Variants in AKAP13 observed in about 807,000 individuals in gnomAD.
The protein encoded by AKAP13 is A-kinase anchoring protein 13.
Under a neutral mutation model 264.5 loss-of-function variants are expected in AKAP13, and 80 were observed. That is an observed-to-expected ratio of 0.30 (90% CI 0.25 to 0.36). The LOEUF (loss-of-function observed/expected upper bound fraction) is 0.36, where lower values mean the gene tolerates loss of function less well. Ranked by LOEUF, AKAP13 falls within the 10% of genes least tolerant of loss-of-function variation. The probability of loss-of-function intolerance (pLI) is 1.00; values close to 1 mark genes in which losing one functional copy is unlikely to be tolerated. For missense variants in AKAP13, 3,712 were observed against 3,435.2 expected (o/e 1.08, Z -2.01); for synonymous variants, 1,380 against 1,250.2 (o/e 1.10, Z -2.19).
rs746147092 is a variant in AKAP13 at position 85,745,369 on chromosome 15, A to C, written c.*692A>C. On this transcript the variant is annotated 3_prime_UTR_variant, in exon 37 of 37. Transcript: ENST00000394518. ...TGAGAGAAGGCTTGATGTGTATAAAAGACGTGATGTGCACCACCTCGATCT... is the reference window on the plus strand; with the variant it reads ...TGAGAGAAGGCTTGATGTGTATAAACGACGTGATGTGCACCACCTCGATCT... The C allele has an allele frequency of 3.3e-5, 5 of 151,556 alleles. No homozygotes were observed. Among genetic ancestry groups the C allele is most frequent in the African/African-American group, 1.2e-4 (5 of 41,212 alleles). 9.4% of individuals were successfully genotyped at this position (151,556 alleles called of 1,614,324 possible).
chr15:85,443,484 C>T (rs1230549373), intron 1 of AKAP13, among the ~76,000 whole-genome samples: 1 of 152,112 alleles, frequency 6.6e-6, no homozygotes, highest in African/African-American at 2.4e-5. Flanking sequence ...AAGGATCCTT[C>T]TGTGGTGTAT....
At chr15:85,436,005 A>G (rs1278837505) in intron 1 of AKAP13, among the ~76,000 whole-genome samples, 1 of 147,682 alleles carries the variant, frequency 6.8e-6, no homozygotes, top group African/African-American at 2.5e-5. Flanking sequence ...TGCTTCAATT[A>G]AAAGACACAG....
At chr15:85,517,196 C>G (rs1390060843) in intron 2 of AKAP13, among the ~76,000 whole-genome samples, 1 of 152,160 alleles carries the variant, frequency 6.6e-6, no homozygotes, top group East Asian at 1.9e-4. Flanking sequence ...CAGTGCCATC[C>G]TGTCTTTCAC....
chr15:85,544,158 C>G (rs1256482053), intron 5 of AKAP13: 1 of 707,674 alleles, frequency 1.4e-6, no homozygotes, highest in Non-Finnish European at 2.5e-6. Flanking sequence ...GTCGTGTTAA[C>G]CATTTTCTCT....
At chr15:85,428,008 C>G (rs537291060) in intron 1 of AKAP13, among the ~76,000 whole-genome samples, 1 of 152,278 alleles carries the variant, frequency 6.6e-6, no homozygotes, top group East Asian at 1.9e-4. Context: ...CTCCTGAGAA[C>G]TATTTGAAAC....
chr15:85,581,286 A>G lies in AKAP13; in HGVS notation c.3218A>G (p.Gln1073Arg), dbSNP rs1325610819. The change falls in exon 7 of 37, where the codon CAA (glutamine) becomes CGA (arginine). Residue 1073 changes from glutamine to arginine, a missense_variant. This residue lies in a region of AKAP13 where 2,759 missense variants were observed against 2,411.7 expected (regional missense o/e 1.14). Coordinates refer to ENST00000394518, the MANE Select transcript of AKAP13 (RefSeq NM_007200.5). Reference sequence around the variant, plus strand: ...CTGGATGTTGGAGTGAAGAACACTCAATCCCAGGGAAAAACTAGTGCCTGT... The same window carrying G: ...CTGGATGTTGGAGTGAAGAACACTCGATCCCAGGGAAAAACTAGTGCCTGT... ...SPLDVGVKNT[Q>R]SQGKTSACEV... 1 of 1,614,220 alleles carries G rather than the reference A, an allele frequency of 6.2e-7. No individual in the cohort carries two copies. The highest frequency in any genetic ancestry group is 1.1e-5 in the South Asian group (1 of 91,090).
rs2081667643 is a variant in AKAP13, at chr15:85,630,208, CATCATGAACTAAGATGGA to C, written c.4162-9164_4162-9147del. Among the ~76,000 whole-genome samples the C allele has an allele frequency of 1.6e-4, 7 of 44,904 alleles. 1 individual carries two copies. The highest frequency in any genetic ancestry group is 2.4e-4 in the Non-Finnish European group (6 of 25,376). The allele number at this position is 44,904 out of a possible 152,430, so 29.5% of individuals were successfully genotyped here. On this transcript the variant is annotated intron_variant, in intron 8 of 36. Coordinates refer to ENST00000394518, the MANE Select transcript of AKAP13 (RefSeq NM_007200.5). ...ACACACACACACACACACACACACA[CATCATGAACTAAGATGGA>C]AAATTGTAACACACACACACACACA...
At position 85,717,373 on chromosome 15, in the gene AKAP13, A is replaced by G; in HGVS notation, c.5819A>G (p.Asn1940Ser). The change falls in exon 21 of 37, where the codon AAT becomes AGT. Residue 1940 changes from asparagine to serine, a missense_variant. This residue lies in a region of AKAP13 where 2,759 missense variants were observed against 2,411.7 expected (regional missense o/e 1.14). Coordinates refer to ENST00000394518, the MANE Select transcript of AKAP13 (RefSeq NM_007200.5). ...TDSLNKISKV[N>S]ESTESLTDEG... is the part of the protein sequence containing the mutation. ...TCACTAAATAAAATCAGCAAGGTCAATGAGTCAACAGAATCACTTACTGAT... is the reference window on the plus strand; with the variant it reads ...TCACTAAATAAAATCAGCAAGGTCAGTGAGTCAACAGAATCACTTACTGAT... 4 of 1,613,424 alleles carry G rather than the reference A, an allele frequency of 2.5e-6. No homozygotes were observed. Among genetic ancestry groups the G allele is most frequent in the Non-Finnish European group, 3.4e-6 (4 of 1,179,680 alleles).
At chr15:85,710,791 T>C (rs1471227049) in intron 19 of AKAP13, 146 bp downstream of exon 19, 14 of 883,906 alleles carry the variant, frequency 1.6e-5, no homozygotes, top group Non-Finnish European at 2.2e-5. Context: ...TGTTTTATCC[T>C]GCAGATTCCT....
At chr15:85,545,080 C>A (rs1243099527) in intron 5 of AKAP13, among the ~76,000 whole-genome samples, 1 of 152,180 alleles carries the variant, frequency 6.6e-6, no homozygotes, top group Non-Finnish European at 1.5e-5. Context: ...ATGGGTGCTA[C>A]AGATACAGTG....
intron 8 of AKAP13, among the ~76,000 whole-genome samples, chr15:85,594,794 T>C (rs1024385022): frequency 1.3e-5 from 2 of 152,224 alleles, no homozygotes; most frequent in African/African-American, 4.8e-5. Flanking sequence ...TAGGCAGTTT[T>C]AGATATTCCA....
intron 1 of AKAP13, among the ~76,000 whole-genome samples, chr15:85,434,122 C>T (rs1430423658): frequency 1.4e-4 from 21 of 151,878 alleles, no homozygotes; most frequent in African/African-American, 4.1e-4. Context: ...GCGCACCGTG[C>T]GCGAGCCGAA....
At position 85,741,472 on chromosome 15, in the gene AKAP13, C is replaced by T; in HGVS notation, c.8035C>T (p.Gln2679Ter). 1 of 1,601,536 alleles carries T rather than the reference C, an allele frequency of 6.2e-7. No homozygotes were observed. Among genetic ancestry groups the T allele is most frequent in the Admixed American group, 1.7e-5 (1 of 59,504 alleles). Residue 2679 changes from glutamine (Q) to a stop codon, truncating the protein, a stop_gained, in exon 35 of 37, where the codon CAG becomes TAG. Transcript: ENST00000394518. LOFTEE classifies it high-confidence loss of function. Reference sequence around the variant, plus strand: ...GGAGGCAGAGCGGCTCAGCCAGCGGCAGACAGAACGGGACCTGTGTCAGGT... The same window carrying T: ...GGAGGCAGAGCGGCTCAGCCAGCGGTAGACAGAACGGGACCTGTGTCAGGT... ...RREAERLSQR[Q>*]TERDLCQVSH... is the part of the protein sequence containing the mutation.
chr15:85,643,427 G>A (rs2082403524), intron 9 of AKAP13, among the ~76,000 whole-genome samples: 1 of 152,078 alleles, frequency 6.6e-6, no homozygotes, highest in South Asian at 2.1e-4. Flanking sequence ...TAAGCTACCA[G>A]CGCAAATAAT....
intron 12 of AKAP13, among the ~76,000 whole-genome samples, chr15:85,660,126 A>G (rs1315770780): frequency 6.6e-6 from 1 of 151,944 alleles, no homozygotes; most frequent in Non-Finnish European, 1.5e-5. Context: ...GCTGAGCCAG[A>G]TGGATTGCGT....
At chr15:85,710,558 A>C (rs751847396) in intron 18 of AKAP13, 21 bp from the exon 19 acceptor site, 12 of 1,612,298 alleles carry the variant, frequency 7.4e-6, no homozygotes, top group Middle Eastern at 1.7e-4. Context: ...TTGTCAATGG[A>C]CTTACTTTCT....
Position 85,735,035 on chromosome 15 carries a change from A to G in AKAP13, c.7326A>G (p.Thr2442=), listed in dbSNP as rs772075148. ...QGLVSGNLGG[T]LGPTVSSPIE... ...TGGTGAGTGGAAATCTGGGAGGCAC[A>G]CTTGGGCCGACTGTCAGCAGCCCCA... Residue 2442 remains threonine, a synonymous_variant, in exon 31 of 37, where the codon ACA becomes ACG. Coordinates refer to ENST00000394518, the MANE Select transcript of AKAP13 (RefSeq NM_007200.5). 6.2e-7 allele frequency: 1 copy of G among 1,614,214 alleles called. No individual in the cohort carries two copies. The highest frequency in any genetic ancestry group is 8.5e-7 in the Non-Finnish European group (1 of 1,180,028).
chr15:85,684,920 T>A (rs1236281495), intron 16 of AKAP13, 47 bp downstream of exon 16: 16 of 1,571,970 alleles, frequency 1.0e-5, no homozygotes, highest in Middle Eastern at 1.7e-4. Flanking sequence ...AGTAGGATCC[T>A]GTCACAGCCT....
chr15:85,601,608 T>TTTTGTGTGTG (rs369305957), intron 8 of AKAP13, among the ~76,000 whole-genome samples: 4 of 131,990 alleles, frequency 3.0e-5, no homozygotes, highest in African/African-American at 1.1e-4. Flanking sequence ...CCTGAATTCT[T>TTTTGTGTGTG]TGTGTGTGTG....
Sources: allele counts gnomAD v4.1 joint callset (sites outside exome capture counted in the v4.1 genomes callset), GRCh38; gene constraint gnomAD v4.1.1; regional missense constraint gnomAD v4.1.1; transcripts MANE v1.5; gene names NCBI Gene and HGNC (gene_info 2026-07-23, HGNC 2026-07-21).